TTC1: variants seen among roughly 807,000 people sequenced by gnomAD.
TTC1 encodes tetratricopeptide repeat protein 1.
A neutral mutation model predicts 37.6 loss-of-function variants in TTC1; 31 were observed. That is an observed-to-expected ratio of 0.82 (90% CI 0.62 to 1.11). The LOEUF (loss-of-function observed/expected upper bound fraction) is 1.11. Ranked by LOEUF, TTC1 falls within the 50% of genes most tolerant of loss-of-function variation. The pLI is 0.00. For missense variants in TTC1, 351 were observed against 339.0 expected (o/e 1.04, Z -0.28); for synonymous variants, 127 against 122.4 (o/e 1.04, Z -0.25).
rs775354256 is a variant in TTC1, at chr5:160,035,208, G to A, written c.391+8G>A. 1.0e-5 allele frequency: 16 copies of A among 1,599,596 alleles called. No individual in the cohort carries two copies. The highest frequency in any genetic ancestry group is 1.7e-4 in the Middle Eastern group (1 of 5,998). ...AACAGTTTAAGAAAGGAGGTAAGAC[G>A]ACTTTCAGCACTGATAATCTGGTCA... On this transcript the variant is annotated splice_region_variant and intron_variant, in intron 3 of 7. Coordinates refer to ENST00000231238, the MANE Select transcript of TTC1 (RefSeq NM_003314.3).
chr5:160,062,744 C>G (rs1315450079), intron 7 of TTC1, among the ~76,000 whole-genome samples: 1 of 152,108 alleles, frequency 6.6e-6, no homozygotes, highest in Non-Finnish European at 1.5e-5. Context: ...TCACTTCACT[C>G]ACTCCATATC....
rs758754532 is a variant in TTC1 at position 160,010,784 on chromosome 5, G to A, written c.256G>A (p.Asp86Asn). ...ADKVENKSNE[D>N]VNSSELDEEY... ...CAAGGTTGAGAACAAATCTAATGAA[G>A]ATGTGAATTCCTCTGAACTAGATGA... Residue 86 changes from aspartate to asparagine, a missense_variant, in exon 2 of 8, where the codon GAT (aspartate) becomes AAT (asparagine). Transcript: ENST00000231238. 1.2e-6 allele frequency: 2 copies of A among 1,614,166 alleles called. No individual in the cohort carries two copies. Among genetic ancestry groups the A allele is most frequent in the Admixed American group, 1.7e-5 (1 of 60,014 alleles).
intron 7 of TTC1, among the ~76,000 whole-genome samples, chr5:160,052,076 A>G (rs994265654): frequency 6.6e-6 from 1 of 152,218 alleles, no homozygotes; most frequent in African/African-American, 2.4e-5. Context: ...AACCTAGACT[A>G]TCCAGAGACT....
At position 160,010,806 on chromosome 5, in the gene TTC1, A is replaced by G. The variant is rs774572353; in HGVS notation, c.278A>G (p.Asp93Gly). 12 of 1,614,224 alleles carry G rather than the reference A, an allele frequency of 7.4e-6. No homozygotes were observed. The highest frequency in any genetic ancestry group is 1.0e-5 in the Non-Finnish European group (12 of 1,180,042). The change falls in exon 2 of 8, where the codon GAT becomes GGT. Residue 93 changes from aspartate (D) to glycine (G), a missense_variant. Asp to Gly is a moderately conservative substitution (Grantham distance 94). Coordinates refer to ENST00000231238, the MANE Select transcript of TTC1 (RefSeq NM_003314.3). The part of the protein sequence containing the change: ...SNEDVNSSEL[D>G]EEYLIELEKN... ...GAAGATGTGAATTCCTCTGAACTAG[A>G]TGAAGAATACCTAATAGAACTGGAA...
intron 1 of TTC1, among the ~76,000 whole-genome samples, 156 bp downstream of exon 1, chr5:160,009,349 T>C (rs1177486239): frequency 6.6e-6 from 1 of 152,220 alleles, no homozygotes; most frequent in Non-Finnish European, 1.5e-5. Flanking sequence ...AAGACATTGC[T>C]GTGGAGGCGA....
At chr5:160,020,246 C>T (rs973295660) in intron 2 of TTC1, among the ~76,000 whole-genome samples, 2 of 152,188 alleles carry the variant, frequency 1.3e-5, no homozygotes, top group Non-Finnish European at 2.9e-5. Flanking sequence ...TTACCAACTT[C>T]TTAGAGTTAC....
chr5:160,054,716 G>A (rs997518422), intron 7 of TTC1, among the ~76,000 whole-genome samples: 22 of 152,036 alleles, frequency 1.4e-4, no homozygotes, highest in Non-Finnish European at 2.6e-4. Flanking sequence ...TTTATAATCA[G>A]AATAATCAGG....
chr5:160,048,291 A>G (rs375097595), intron 5 of TTC1, among the ~76,000 whole-genome samples: 5 of 151,924 alleles, frequency 3.3e-5, no homozygotes, highest in South Asian at 2.1e-4. Context: ...AGCTGGGATT[A>G]TAGACCCACA....
At chr5:160,035,266 A>G in intron 3 of TTC1, 66 bp downstream of exon 3, 2 of 1,329,040 alleles carry the variant, frequency 1.5e-6, no homozygotes, top group Non-Finnish European at 2.0e-6. Flanking sequence ...AGAGTCTGTG[A>G]AGAAACCCCA....
intron 2 of TTC1, among the ~76,000 whole-genome samples, chr5:160,017,018 A>G (rs1374664586): frequency 6.6e-6 from 1 of 152,228 alleles, no homozygotes; most frequent in African/African-American, 2.4e-5. Flanking sequence ...TCGTGTGTTT[A>G]TTTCAGCAGT....
intron 4 of TTC1, among the ~76,000 whole-genome samples, chr5:160,038,584 G>A (rs767911580): frequency 5.9e-4 from 90 of 152,138 alleles, no homozygotes; most frequent in Non-Finnish European, 1.0e-3. Context: ...ACTCAAAAGA[G>A]CGTTGCTCTA....
chr5:160,047,548 C>T (rs1206229005), intron 5 of TTC1, among the ~76,000 whole-genome samples: 1 of 152,200 alleles, frequency 6.6e-6, no homozygotes, highest in Non-Finnish European at 1.5e-5. Context: ...CTTGCCCCAC[C>T]CGCCAACACT....
intron 5 of TTC1, among the ~76,000 whole-genome samples, chr5:160,048,295 A>G (rs1282051882): frequency 6.6e-6 from 1 of 151,672 alleles, no homozygotes; most frequent in Non-Finnish European, 1.5e-5. Context: ...GGGATTATAG[A>G]CCCACACTGC....
chr5:160,030,617 G>A (rs185666168), intron 2 of TTC1, among the ~76,000 whole-genome samples: 24 of 152,262 alleles, frequency 1.6e-4, no homozygotes, highest in Middle Eastern at 3.4e-3. Flanking sequence ...AATAAACTCC[G>A]TTCATCAAGA....
rs563452409 is a variant in TTC1 at position 160,028,119 on chromosome 5, G to C, written c.331-7021G>C. 2.0e-5 allele frequency among the ~76,000 whole-genome samples: 3 copies of C among 152,162 alleles called. 1 individual carries two copies. The South Asian group carries it at 6.2e-4, about 32-fold the overall frequency. ...TCGAGACCATCCTGGCTAACATTGTGAAACTCTGTCTCTACTAAAAGTACA... is the reference window on the plus strand; with the variant it reads ...TCGAGACCATCCTGGCTAACATTGTCAAACTCTGTCTCTACTAAAAGTACA... On this transcript the variant is annotated intron_variant, in intron 2 of 7. Transcript: ENST00000231238.
chr5:160,012,118 T>G (rs545867761), intron 2 of TTC1, among the ~76,000 whole-genome samples: 1 of 152,192 alleles, frequency 6.6e-6, no homozygotes, highest in Non-Finnish European at 1.5e-5. Flanking sequence ...TCCATAACAT[T>G]ATAACAGGTT....
chr5:160,047,901 G>C (rs1486360629), intron 5 of TTC1, among the ~76,000 whole-genome samples: 1 of 151,866 alleles, frequency 6.6e-6, no homozygotes, highest in Non-Finnish European at 1.5e-5. Flanking sequence ...TTTCATTATA[G>C]TACTATGGCT....
intron 6 of TTC1, among the ~76,000 whole-genome samples, chr5:160,050,047 T>A (rs1230949425): frequency 6.6e-6 from 1 of 152,140 alleles, no homozygotes; most frequent in Non-Finnish European, 1.5e-5. Context: ...CACTGCAGCC[T>A]GGGCAACAGA....
rs114792425 is a variant in TTC1, at chr5:160,017,924, G to A, written c.330+7066G>A. Among the ~76,000 whole-genome samples the A allele has an allele frequency of 4.7e-3, 714 of 152,262 alleles. 9 individuals are homozygous for A. Among genetic ancestry groups the A allele is most frequent in the African/African-American group, 0.016 (677 of 41,548 alleles). On this transcript the variant is annotated intron_variant, in intron 2 of 7. Transcript: ENST00000231238. ...AGGGATACAGTGGTGAACAAGACAG[G>A]GTTTCTGTTCTCTCATTGGAGAATT...
Sources: allele counts gnomAD v4.1 joint callset (sites outside exome capture counted in the v4.1 genomes callset), GRCh38; gene constraint gnomAD v4.1.1; transcripts MANE v1.5; gene names NCBI Gene and HGNC (gene_info 2026-07-23, HGNC 2026-07-21).